The following ARHGAP39 variants were observed in gnomAD, a reference collection of about 807,000 sequenced individuals.
ARHGAP39 encodes the protein rho GTPase-activating protein 39.
Under a neutral mutation model 106.9 loss-of-function variants are expected in ARHGAP39, and 44 were observed. The observed-to-expected ratio is 0.41, with a 90% confidence interval of 0.32 to 0.53. The LOEUF (loss-of-function observed/expected upper bound fraction) is 0.53, where lower values mean the gene tolerates loss of function less well. Ranked by LOEUF, ARHGAP39 falls within the 20% of genes least tolerant of loss-of-function variation. The pLI, the probability that ARHGAP39 is intolerant of heterozygous loss-of-function variation, is 0.21. For missense variants in ARHGAP39, 1,496 were observed against 1,577.3 expected (o/e 0.95, Z 0.87); for synonymous variants, 768 against 693.2 (o/e 1.11, Z -1.69).
chr8:144,616,087 A>T (rs996277646), intron 1 of ARHGAP39, among the ~76,000 whole-genome samples: 1 of 152,248 alleles, frequency 6.6e-6, no homozygotes, highest in Non-Finnish European at 1.5e-5. Flanking sequence ...ATGCGCAGAA[A>T]AAGAATTTCT....
intron 1 of ARHGAP39, among the ~76,000 whole-genome samples, chr8:144,648,261 C>T (rs2130994512): frequency 6.6e-6 from 1 of 152,344 alleles, no homozygotes; most frequent in South Asian, 2.1e-4. Context: ...CCTGTCTTGA[C>T]TGTAGTCTCA....
chr8:144,603,462 G>A (rs755620368), intron 2 of ARHGAP39, among the ~76,000 whole-genome samples: 3 of 152,024 alleles, frequency 2.0e-5, no homozygotes, highest in Admixed American at 1.3e-4. Context: ...AGGCCGAGGC[G>A]GGCAGATCAC....
rs574105597 is a variant in ARHGAP39 at position 144,547,131 on chromosome 8, G to A, written c.1955C>T (p.Ser652Leu). ...LASPEPYLHP[S>L]QSEDLAACAQ... ...CCGCGCCCATTGGGCCCTCACCTGTGAGGGGTGGAGGTAGGGCTCTGGTGA... is the reference window on the plus strand; with the variant it reads ...CCGCGCCCATTGGGCCCTCACCTGTAAGGGGTGGAGGTAGGGCTCTGGTGA... The change falls in exon 5 of 12, where the codon TCA becomes TTA. Residue 652 changes from serine (S) to leucine (L), a missense_variant. Physicochemically the swap from Ser to Leu is moderately radical, Grantham distance 145. Transcript: ENST00000377307. The surrounding 1 kb of genome is among the most constrained non-coding windows in gnomAD (Gnocchi z 5.2). 1 of 1,594,260 alleles carries A rather than the reference G, an allele frequency of 6.3e-7. No individual in the cohort carries two copies. Among genetic ancestry groups the A allele is most frequent in the Admixed American group, 1.7e-5 (1 of 58,394 alleles).
intron 3 of ARHGAP39, among the ~76,000 whole-genome samples, chr8:144,562,979 G>A (rs1238040351): frequency 6.6e-6 from 1 of 152,254 alleles, no homozygotes; most frequent in Non-Finnish European, 1.5e-5. Flanking sequence ...AGCTTGAAGT[G>A]ACCAAAGAAT....
chr8:144,553,887 G>A (rs1247261924), intron 4 of ARHGAP39, among the ~76,000 whole-genome samples: 11 of 152,252 alleles, frequency 7.2e-5, no homozygotes, highest in Admixed American at 2.0e-4. Context: ...TCTTCTCCCC[G>A]CCAGGTCCAG....
Position 144,645,959 on chromosome 8 carries a change from A to C in ARHGAP39, c.-82+39727T>G, listed in dbSNP as rs1402006109. Among the ~76,000 whole-genome samples the C allele has an allele frequency of 6.6e-6, 1 of 152,202 alleles. No individual in the cohort carries two copies. The highest frequency in any genetic ancestry group is 1.5e-5 in the Non-Finnish European group (1 of 68,028). The stretch of plus-strand genomic sequence containing the variant: ...CTTTAGGATGTCACTGTGTAACAAC[A>C]GGGTAACACCCAGATGGCCCAGCTG... On this transcript the variant is annotated intron_variant, in intron 1 of 11. Coordinates refer to ENST00000377307, the MANE Select transcript of ARHGAP39 (RefSeq NM_025251.3). This position sits in a 1 kb window ranked among gnomAD's most constrained non-coding sequence, Gnocchi z 4.4.
chr8:144,566,904 A>T (rs2130878091), intron 3 of ARHGAP39, among the ~76,000 whole-genome samples: 1 of 152,264 alleles, frequency 6.6e-6, no homozygotes, highest in East Asian at 1.9e-4. Context: ...GTTAAAAGAC[A>T]CATTATGTAA....
At position 144,628,614 on chromosome 8, in the gene ARHGAP39, A is replaced by T. The variant is rs114766282; in HGVS notation, c.-81-22919T>A. ...AACTGACAGGGTGGGCAGACAACAA[A>T]ACAAGATCACCGATCTAGAAGAACA... On this transcript the variant is annotated intron_variant, in intron 1 of 11. Coordinates refer to ENST00000377307, the MANE Select transcript of ARHGAP39 (RefSeq NM_025251.3). Among the ~76,000 whole-genome samples, 28 of 152,308 alleles carry T rather than the reference A, an allele frequency of 1.8e-4. 1 individual carries two copies. The highest frequency in any genetic ancestry group is 6.3e-4 in the African/African-American group (26 of 41,570).
At chr8:144,596,099 C>A (rs908507947) in intron 2 of ARHGAP39, among the ~76,000 whole-genome samples, 4 of 152,192 alleles carry the variant, frequency 2.6e-5, no homozygotes, top group Admixed American at 2.0e-4. Flanking sequence ...GAGACAGAGG[C>A]CCCGCAGCAA....
intron 1 of ARHGAP39, among the ~76,000 whole-genome samples, chr8:144,612,669 G>T (rs1471983533): frequency 2.8e-5 from 1 of 35,360 alleles, no homozygotes; most frequent in African/African-American, 1.3e-4. Flanking sequence ...CGGCTGCGCC[G>T]CTGCACTCCA....
chr8:144,630,517 T>C (rs191116898), intron 1 of ARHGAP39, among the ~76,000 whole-genome samples: 19 of 152,340 alleles, frequency 1.2e-4, no homozygotes, highest in Non-Finnish European at 2.6e-4. Flanking sequence ...CCTGGTGACA[T>C]GCATGGTGTC....
chr8:144,618,019 G>A (rs1820683379), intron 1 of ARHGAP39, among the ~76,000 whole-genome samples: 1 of 151,966 alleles, frequency 6.6e-6, no homozygotes. Context: ...CTGGCTCAAG[G>A]GATCTGCCTG....
chr8:144,665,306 T>C (rs1821935665), intron 1 of ARHGAP39, among the ~76,000 whole-genome samples: 1 of 152,106 alleles, frequency 6.6e-6, no homozygotes. Flanking sequence ...AAACAGAGCA[T>C]AGAAGTTCAG....
At chr8:144,583,680 C>T (rs116594927) in intron 2 of ARHGAP39, among the ~76,000 whole-genome samples, 1,672 of 152,342 alleles carry the variant, frequency 0.011, 31 homozygotes, top group African/African-American at 0.038. Flanking sequence ...CTGAGAGTCA[C>T]ACGATCAAGA....
chr8:144,650,745 G>A (rs916137085), intron 1 of ARHGAP39, among the ~76,000 whole-genome samples: 1 of 152,058 alleles, frequency 6.6e-6, no homozygotes, highest in African/African-American at 2.4e-5. Context: ...AGTATTGAAG[G>A]AACATACCTC....
At chr8:144,535,143 C>G (rs1399043146) in intron 7 of ARHGAP39, among the ~76,000 whole-genome samples, 1 of 152,182 alleles carries the variant, frequency 6.6e-6, no homozygotes, top group East Asian at 1.9e-4. Flanking sequence ...TGGATCCTGA[C>G]CCCCAATCGG....
intron 1 of ARHGAP39, 119 bp from the exon 2 acceptor site, chr8:144,605,814 G>A (rs935195950): frequency 3.1e-5 from 19 of 603,612 alleles, no homozygotes; most frequent in East Asian, 2.0e-4. Context: ...CACGGCACCC[G>A]TGAGCCGCCC....
intron 1 of ARHGAP39, among the ~76,000 whole-genome samples, chr8:144,637,230 A>G (rs1821194150): frequency 6.6e-6 from 1 of 152,012 alleles, no homozygotes; most frequent in Non-Finnish European, 1.5e-5. Context: ...TCCAACTCCA[A>G]ATTTTTGCTC....
rs549519862 is a variant in ARHGAP39 at position 144,548,744 on chromosome 8, G to A, written c.597-255C>T. On this transcript the variant is annotated intron_variant, in intron 4 of 11. Transcript: ENST00000377307. The surrounding 1 kb of genome is among the most constrained non-coding windows in gnomAD (Gnocchi z 7.4). ...GATCCCAGCTCCTGACCGGGCACAG[G>A]GCTGCTTCTGTAACTAGAACCGGGG... Among the ~76,000 whole-genome samples, 21 of 152,318 alleles carry A rather than the reference G, an allele frequency of 1.4e-4. No individual in the cohort carries two copies. The South Asian group carries it at 4.1e-3, about 30-fold the overall frequency.
Sources: allele counts gnomAD v4.1 joint callset (sites outside exome capture counted in the v4.1 genomes callset), GRCh38; gene constraint gnomAD v4.1.1; non-coding constraint Gnocchi (gnomAD v3.1); transcripts MANE v1.5; gene names NCBI Gene and HGNC (gene_info 2026-07-23, HGNC 2026-07-21).